TIAL1: variants seen among roughly 807,000 people sequenced by gnomAD.
TIAL1 encodes the protein TIA1 cytotoxic granule associated RNA binding protein like 1.
A neutral mutation model predicts 59.7 loss-of-function variants in TIAL1; 7 were observed. That is an observed-to-expected ratio of 0.12 (90% CI 0.07 to 0.22). The LOEUF is 0.22. Ranked by LOEUF, TIAL1 falls within the 10% of genes least tolerant of loss-of-function variation. TIAL1 has a pLI of 1.00. For synonymous variants in TIAL1, 149 were observed against 146.3 expected, an observed-to-expected ratio of 1.02 and a Z score of -0.13; for missense variants, 225 against 462.5, an observed-to-expected ratio of 0.49 and a Z score of 4.71.
At chr10:119,591,344 T>A (rs1054576504) in intron 1 of TIAL1, among the ~76,000 whole-genome samples, 1 of 150,332 alleles carries the variant, frequency 6.7e-6, no homozygotes, top group African/African-American at 2.5e-5. Context: ...GAGGTGGAGG[T>A]TGCAGTGGGC....
intron 1 of TIAL1, among the ~76,000 whole-genome samples, chr10:119,591,654 AAACT>A (rs1468801457): frequency 3.9e-5 from 6 of 152,186 alleles, no homozygotes; most frequent in Non-Finnish European, 4.4e-5. Flanking sequence ...TAAATTTCAA[AAACT>A]AACATGAAAG....
intron 2 of TIAL1, among the ~76,000 whole-genome samples, chr10:119,586,729 G>A (rs1483786914): frequency 6.6e-6 from 1 of 152,076 alleles, no homozygotes; most frequent in Non-Finnish European, 1.5e-5. Context: ...CTAGCCATCG[G>A]TCTTTGATTC....
At position 119,573,712 on chromosome 10, in the gene TIAL1, AT is replaced by A. The variant is rs1165664113; in HGVS notation, c.*1952del. On this transcript the variant is annotated 3_prime_UTR_variant, in exon 12 of 12. Transcript: ENST00000436547. ...ACATAATTTATTGAGTGTTCTCCCT[AT>A]AAAATATAAATTAACTTTTCCAAAA... 6.6e-6 allele frequency: 1 copy of A among 152,548 alleles called. No homozygotes were observed. The highest frequency in any genetic ancestry group is 2.4e-5 in the African/African-American group (1 of 41,456). 9.4% of individuals were successfully genotyped at this position (152,548 alleles called of 1,614,324 possible). A position where few individuals can be genotyped will look rare whatever the true frequency, so the allele number is the denominator to read the frequency against.
intron 7 of TIAL1, among the ~76,000 whole-genome samples, chr10:119,578,043 G>A (rs935513262): frequency 6.6e-6 from 1 of 151,986 alleles, no homozygotes; most frequent in African/African-American, 2.4e-5. Flanking sequence ...TGACCAACAC[G>A]GTGAAACCCT....
chr10:119,579,360 C>T (rs1845192963), intron 6 of TIAL1, among the ~76,000 whole-genome samples: 1 of 151,950 alleles, frequency 6.6e-6, no homozygotes, highest in African/African-American at 2.4e-5. Context: ...CAAAACAAAA[C>T]AAAACATTGA....
chr10:119,575,555 C>T lies in TIAL1; in HGVS notation c.*110G>A. 1 of 1,466,108 alleles carries T rather than the reference C, an allele frequency of 6.8e-7. No homozygotes were observed. The highest frequency in any genetic ancestry group is 9.4e-7 in the Non-Finnish European group (1 of 1,060,818). The allele number at this position is 1,466,108 out of a possible 1,614,324, so 90.8% of individuals were successfully genotyped here. On this transcript the variant is annotated 3_prime_UTR_variant, in exon 12 of 12. Transcript: ENST00000436547. ...TCTGTGCTAAAGGTTCCAAACATTT[C>T]AATTTTTAAAATAAATATTTTCATT...
rs1434518683 is a variant in TIAL1, at chr10:119,577,091, T to C, written c.850A>G (p.Asn284Asp). 1.2e-6 allele frequency: 2 copies of C among 1,613,594 alleles called. No individual in the cohort carries two copies. Among genetic ancestry groups the C allele is most frequent in the Non-Finnish European group, 1.7e-6 (2 of 1,179,834 alleles). ...AAAAATCGAATTACCTGTTGGAAGT[T>C]TTTAGTCATATCAGGAGATTCTTTA... ...WGKESPDMTK[N>D]FQQVDYSQWG... The change falls in exon 10 of 12, where the codon AAC becomes GAC. Residue 284 changes from asparagine to aspartate, a missense_variant. Around this residue, in one of 4 missense-constraint regions of TIAL1, gnomAD observed 80 missense variants for 158.8 expected, o/e 0.50. Transcript: ENST00000436547.
chr10:119,587,900 T>C (rs1043624103), intron 2 of TIAL1, among the ~76,000 whole-genome samples: 1 of 152,208 alleles, frequency 6.6e-6, no homozygotes, highest in African/African-American at 2.4e-5. Context: ...GCTCTAATAA[T>C]GTTCTGAAAG....
At chr10:119,592,026 C>A (rs1845908136) in intron 1 of TIAL1, 1 of 152,114 alleles carries the variant, frequency 6.6e-6, no homozygotes, top group Non-Finnish European at 1.5e-5. Context: ...TTTATTCGTT[C>A]CAAATTATAG....
intron 1 of TIAL1, chr10:119,588,484 C>T (rs866896000): frequency 2.7e-4 from 74 of 278,466 alleles, no homozygotes; most frequent in Middle Eastern, 1.0e-3. Context: ...GCTGGGATTA[C>T]AGGCGCATGC....
chr10:119,591,143 C>T (rs1221303897), intron 1 of TIAL1, among the ~76,000 whole-genome samples: 3 of 152,086 alleles, frequency 2.0e-5, no homozygotes, highest in Non-Finnish European at 4.4e-5. Flanking sequence ...GTGGCTCACA[C>T]CTGTAATCCT....
chr10:119,590,242 A>G (rs1400643673), intron 1 of TIAL1, among the ~76,000 whole-genome samples: 1 of 152,234 alleles, frequency 6.6e-6, no homozygotes, highest in Non-Finnish European at 1.5e-5. Context: ...CCACGTAATT[A>G]AGGAGCTGAT....
intron 5 of TIAL1, chr10:119,580,468 T>C: frequency 9.7e-7 from 1 of 1,032,814 alleles, no homozygotes; most frequent in Non-Finnish European, 1.2e-6. Context: ...TAAAAAGGCA[T>C]ACATGGCCTG....
intron 2 of TIAL1, among the ~76,000 whole-genome samples, chr10:119,584,080 G>C (rs1161717905): frequency 6.6e-6 from 1 of 152,122 alleles, no homozygotes; most frequent in African/African-American, 2.4e-5. Context: ...GCAGATCTAT[G>C]ATAATCCCAT....
At chr10:119,594,795 T>C (rs932870032) in intron 1 of TIAL1, among the ~76,000 whole-genome samples, 4 of 152,134 alleles carry the variant, frequency 2.6e-5, no homozygotes, top group African/African-American at 2.4e-5. Context: ...CAGCTAATTT[T>C]TGTGTTTTTT....
chr10:119,596,006 C>G lies in TIAL1; in HGVS notation c.32+428G>C, dbSNP rs549622444. ...GACGTGGAAGGGGTGAGTGCTAATT[C>G]CTCAGGGCCCGCGGGGCCCACCCCC... On this transcript the variant is annotated intron_variant, in intron 1 of 11. Coordinates refer to ENST00000436547, the MANE Select transcript of TIAL1 (RefSeq NM_003252.4). Among the ~76,000 whole-genome samples, 51 of 152,106 alleles carry G rather than the reference C, an allele frequency of 3.4e-4. No homozygotes were observed. The South Asian group carries it at 9.1e-3, about 27-fold the overall frequency.
chr10:119,577,829 G>T lies in TIAL1; in HGVS notation c.557-93C>A, dbSNP rs531289240. On this transcript the variant is annotated intron_variant, in intron 7 of 11. Coordinates refer to ENST00000436547, the MANE Select transcript of TIAL1 (RefSeq NM_003252.4). Reference sequence around the variant, plus strand: ...TATATACTATTAAGATATGCCTCAGGCCGGGCACCCAGCACTTTGGGAGGC... The same window carrying T: ...TATATACTATTAAGATATGCCTCAGTCCGGGCACCCAGCACTTTGGGAGGC... The T allele has an allele frequency of 4.7e-5, 54 of 1,142,214 alleles. No individual in the cohort carries two copies. In the African/African-American group the frequency reaches 7.6e-4, roughly 16 times the overall value. 70.8% of individuals were successfully genotyped at this position (1,142,214 alleles called of 1,614,324 possible). A position where few individuals can be genotyped will look rare whatever the true frequency, so the allele number is the denominator to read the frequency against.
chr10:119,577,104 A>C lies in TIAL1; in HGVS notation c.837T>G (p.Pro279=). ...VVKCYWGKES[P]DMTKNFQQVD... ...CCTGTTGGAAGTTTTTAGTCATATC[A>C]GGAGATTCTTTACCCCAATAGCATT... The change falls in exon 10 of 12, where the codon CCT becomes CCG. Residue 279 remains proline, a synonymous_variant. Coordinates refer to ENST00000436547, the MANE Select transcript of TIAL1 (RefSeq NM_003252.4). 6.2e-7 allele frequency: 1 copy of C among 1,613,922 alleles called. No individual in the cohort carries two copies. Among genetic ancestry groups the C allele is most frequent in the East Asian group, 2.2e-5 (1 of 44,850 alleles).
In TIAL1 at chr10:119,582,368, T is replaced by C. The variant is rs1845345392; in HGVS notation, c.228+91A>G. The C allele has an allele frequency of 1.3e-6, 2 of 1,494,664 alleles. No homozygotes were observed. The highest frequency in any genetic ancestry group is 2.3e-5 in the Admixed American group (1 of 43,586). 92.6% of individuals were successfully genotyped at this position (1,494,664 alleles called of 1,614,324 possible). On this transcript the variant is annotated intron_variant, in intron 3 of 11. Transcript: ENST00000436547. This position sits in a 1 kb window ranked among gnomAD's most constrained non-coding sequence, Gnocchi z 5.1. ...GCAAAACCATCACTCAGCAGCCGAATATCTGCTCAAAAATTTGCCTAGAAA... is the reference window on the plus strand; with the variant it reads ...GCAAAACCATCACTCAGCAGCCGAACATCTGCTCAAAAATTTGCCTAGAAA...
Sources: gnomAD v4.1 joint callset for allele counts (sites outside exome capture counted in the v4.1 genomes callset) on GRCh38, gnomAD v4.1.1 for gene constraint, gnomAD v4.1.1 regional missense constraint, Gnocchi (gnomAD v3.1) non-coding constraint, MANE v1.5 for transcripts, NCBI Gene and HGNC (gene_info 2026-07-23, HGNC 2026-07-21) for gene names.